COL4A6: variants seen among roughly 807,000 people sequenced by gnomAD.
COL4A6 encodes collagen alpha-6(IV) chain.
Under a neutral mutation model 126.7 loss-of-function variants are expected in COL4A6, and 59 were observed. The observed-to-expected ratio is 0.47, with a 90% CI of 0.38 to 0.58. COL4A6 has a LOEUF of 0.58. Ranked by LOEUF, COL4A6 falls within the 20% of genes least tolerant of loss-of-function variation. The pLI, the probability that COL4A6 is intolerant of heterozygous loss-of-function variation, is 0.00. For synonymous variants in COL4A6, 547 were observed against 496.6 expected, an observed-to-expected ratio of 1.10 and a Z score of -1.35; for missense variants, 1,285 against 1,337.3, an observed-to-expected ratio of 0.96 and a Z score of 0.61.
chrX:108,317,538 T>C (rs1160623363), intron 2 of COL4A6, among the ~76,000 whole-genome samples: 1 of 112,267 alleles, frequency 8.9e-6, no homozygotes, highest in Non-Finnish European at 1.9e-5. Flanking sequence ...CTAGGTTTTC[T>C]TCTAGGGTTT....
chrX:108,320,261 G>C lies in COL4A6; in HGVS notation c.64-9433C>G. ...TGGCAGGACTGCAAGGCAGCTCTAA[G>C]GGCCCACTTGAATTTGGTGGTCATG... On this transcript the variant is annotated intron_variant, in intron 2 of 44. Coordinates refer to ENST00000334504, the MANE Select transcript of COL4A6 (RefSeq NM_033641.4). Among the ~76,000 whole-genome samples, 4 of 111,733 alleles carry C rather than the reference G, an allele frequency of 3.6e-5. No homozygotes were observed. The Middle Eastern group carries it at 0.014, about 388-fold the overall frequency.
At chrX:108,184,147 G>A (rs972646437) in intron 23 of COL4A6, among the ~76,000 whole-genome samples, 1 of 112,273 alleles carries the variant, frequency 8.9e-6, no homozygotes, top group African/African-American at 3.2e-5. Context: ...TAGCATCTTA[G>A]TTTTTTTCTA....
intron 2 of COL4A6, among the ~76,000 whole-genome samples, chrX:108,392,365 G>C (rs2040856864): frequency 9.1e-6 from 1 of 109,469 alleles, no homozygotes; most frequent in African/African-American, 3.3e-5. Flanking sequence ...TCATCTATCT[G>C]ATAAGGAGCG....
chrX:108,258,091 A>C (rs1324886910), intron 3 of COL4A6, among the ~76,000 whole-genome samples: 3 of 111,605 alleles, frequency 2.7e-5, no homozygotes, highest in South Asian at 3.8e-4. Flanking sequence ...ACCTCCCCCA[A>C]GCTAAAAACA....
chrX:108,394,296 G>A (rs2040913128), intron 2 of COL4A6, among the ~76,000 whole-genome samples: 1 of 110,045 alleles, frequency 9.1e-6, no homozygotes, highest in Non-Finnish European at 1.9e-5. Flanking sequence ...TCTAGGGGAG[G>A]GATAGCATTA....
At chrX:108,376,358 G>A (rs2040433275) in intron 2 of COL4A6, among the ~76,000 whole-genome samples, 1 of 110,448 alleles carries the variant, frequency 9.1e-6, no homozygotes, top group East Asian at 2.8e-4. Flanking sequence ...ACTTTGGGAG[G>A]CCGAGGTGGA....
intron 2 of COL4A6, among the ~76,000 whole-genome samples, chrX:108,415,308 C>CA (rs2041413807): frequency 1.8e-5 from 2 of 111,700 alleles, no homozygotes; most frequent in South Asian, 3.8e-4. Flanking sequence ...TCAATCACCC[C>CA]AACTGACTAC....
At chrX:108,190,355 G>T (rs1215614700) in intron 20 of COL4A6, 37 bp downstream of exon 20, 1 of 1,038,249 alleles carries the variant, frequency 9.6e-7, no homozygotes, top group Non-Finnish European at 1.3e-6. Context: ...TCTCTAAGGA[G>T]TTTGGAGGAC....
chrX:108,414,625 AAAAAAAAAAAAG>A (rs1479002718), intron 2 of COL4A6, among the ~76,000 whole-genome samples: 1 of 103,723 alleles, frequency 9.6e-6, no homozygotes, highest in African/African-American at 3.7e-5. Context: ...CTCTCAAAAA[AAAAAAAAAAAAG>A]AAGAAGAAGC....
At chrX:108,265,166 T>C (rs904754968) in intron 3 of COL4A6, among the ~76,000 whole-genome samples, 1 of 111,243 alleles carries the variant, frequency 9.0e-6, no homozygotes, top group African/African-American at 3.3e-5. Context: ...TGCTTTGACA[T>C]CCCATTCAAA....
intron 3 of COL4A6, among the ~76,000 whole-genome samples, chrX:108,294,203 TA>T (rs1202463294): frequency 8.9e-6 from 1 of 111,786 alleles, no homozygotes; most frequent in African/African-American, 3.3e-5. Context: ...ACATGTTTAG[TA>T]TGGGGAAACC....
In COL4A6 at chrX:108,162,884, C is replaced by A. The variant is rs769058489; in HGVS notation, c.4216+8G>T. On this transcript the variant is annotated splice_region_variant and intron_variant, in intron 41 of 44. Transcript: ENST00000334504. ...CAACAAATCTCCTTTTTCTGGCACC[C>A]TCCTCACCTTGTAGGCCTACAGGGC... 7 of 1,151,946 alleles carry A rather than the reference C, an allele frequency of 6.1e-6. No homozygotes were observed. Among genetic ancestry groups the A allele is most frequent in the Non-Finnish European group, 8.0e-6 (7 of 870,402 alleles). 94.9% of individuals were successfully genotyped at this position (1,151,946 alleles called of 1,213,427 possible).
chrX:108,174,741 G>A, intron 30 of COL4A6, 120 bp from the exon 31 acceptor site: 1 of 607,844 alleles, frequency 1.6e-6, no homozygotes, highest in Non-Finnish European at 2.5e-6. Flanking sequence ...TAGCTTAAAG[G>A]TAAAGGTGAA....
At position 108,165,145 on chromosome X, in the gene COL4A6, A is replaced by G. The variant is rs934823710; in HGVS notation, c.3809-107T>C. 2.0e-5 allele frequency: 18 copies of G among 904,902 alleles called. No homozygotes were observed. In the African/African-American group the frequency reaches 3.6e-4, roughly 18 times the overall value. 74.6% of individuals were successfully genotyped at this position (904,902 alleles called of 1,213,427 possible). Reference sequence around the variant, plus strand: ...CCAAAGCCCATTCCCAGGACAGAGAATGTTCCCTCACCATCGGTGGGGTCC... The same window carrying G: ...CCAAAGCCCATTCCCAGGACAGAGAGTGTTCCCTCACCATCGGTGGGGTCC... On this transcript the variant is annotated intron_variant, in intron 38 of 44. Transcript: ENST00000334504.
At chrX:108,236,410 A>G (rs2036431115) in intron 3 of COL4A6, among the ~76,000 whole-genome samples, 1 of 111,383 alleles carries the variant, frequency 9.0e-6, no homozygotes, top group Non-Finnish European at 1.9e-5. Context: ...GGCAAAGCTA[A>G]AGAGCACAAT....
chrX:108,408,231 G>T (rs1411437201), intron 2 of COL4A6, among the ~76,000 whole-genome samples: 1 of 110,966 alleles, frequency 9.0e-6, no homozygotes, highest in Non-Finnish European at 1.9e-5. Context: ...TGGGTGGATT[G>T]CTTGGGCCTG....
In COL4A6 at chrX:108,279,962, C is replaced by T. The variant is rs752457060; in HGVS notation, c.144+30786G>A. Among the ~76,000 whole-genome samples the T allele has an allele frequency of 9.0e-5, 10 of 110,922 alleles. No individual in the cohort carries two copies. In the East Asian group the frequency reaches 2.8e-3, roughly 31 times the overall value. The stretch of plus-strand genomic sequence containing the variant: ...GAAACCAATGAGAACAAAGACACAA[C>T]ATACCAGAATCTCTGGGACACATTC... On this transcript the variant is annotated intron_variant, in intron 3 of 44. Coordinates refer to ENST00000334504, the MANE Select transcript of COL4A6 (RefSeq NM_033641.4).
At chrX:108,190,311 G>A (rs1040858319) in intron 20 of COL4A6, 81 bp downstream of exon 20, 20 of 636,812 alleles carry the variant, frequency 3.1e-5, no homozygotes, top group Non-Finnish European at 3.7e-5. Flanking sequence ...TTAGGTTCCC[G>A]AGGCTGTTGG....
chrX:108,231,903 G>A (rs181604790), intron 3 of COL4A6, among the ~76,000 whole-genome samples: 7 of 112,016 alleles, frequency 6.2e-5, no homozygotes, highest in African/African-American at 2.3e-4. Flanking sequence ...CTTAAAAGAT[G>A]GGGGATTTCT....
Sources: gnomAD v4.1 joint callset for allele counts (sites outside exome capture counted in the v4.1 genomes callset) on GRCh38, gnomAD v4.1.1 for gene constraint, MANE v1.5 for transcripts, NCBI Gene and HGNC (gene_info 2026-07-23, HGNC 2026-07-21) for gene names.